PTGER2: variants seen among roughly 807,000 people sequenced by gnomAD.
PTGER2 encodes prostaglandin E2 receptor EP2 subtype.
Under a neutral mutation model 26.2 loss-of-function variants are expected in PTGER2, and 22 were observed. The ratio of observed to expected loss-of-function variants is 0.84; its 90% CI spans 0.60 to 1.20. The LOEUF (loss-of-function observed/expected upper bound fraction) is 1.20. PTGER2 is among the 50% of genes most tolerant of loss of function. The pLI is 0.00. For synonymous variants in PTGER2, 219 were observed against 208.9 expected (o/e 1.05, Z -0.42); for missense variants, 458 against 475.2 (o/e 0.96, Z 0.34).
At chr14:52,323,389 A>T (rs2033917771) in intron 1 of PTGER2, among the ~76,000 whole-genome samples, 1 of 152,140 alleles carries the variant, frequency 6.6e-6, no homozygotes, top group Non-Finnish European at 1.5e-5. Context: ...AGTAGCTGGG[A>T]TTACAGGTGC....
chr14:52,316,200 C>T (rs1182351169), intron 1 of PTGER2, among the ~76,000 whole-genome samples: 2 of 152,168 alleles, frequency 1.3e-5, no homozygotes, highest in Non-Finnish European at 2.9e-5. Flanking sequence ...AAGCCACAGG[C>T]AGGAATGGCT....
chr14:52,324,712 A>G (rs1053687930), intron 1 of PTGER2, among the ~76,000 whole-genome samples: 1 of 152,256 alleles, frequency 6.6e-6, no homozygotes, highest in Non-Finnish European at 1.5e-5. Context: ...TTAAAATCCC[A>G]GTATCCATAA....
At chr14:52,316,442 G>A (rs1317382363) in intron 1 of PTGER2, among the ~76,000 whole-genome samples, 1 of 152,200 alleles carries the variant, frequency 6.6e-6, no homozygotes, top group African/African-American at 2.4e-5. Context: ...GGAATTGGGA[G>A]TTGTGGCAAC....
chr14:52,314,402 T>C lies in PTGER2; in HGVS notation c.-147T>C. ...GCGGGAGACCCAGGGCAAGCCGCCG[T>C]CGGCGCGCTGGGTGCGGGAAGGGGG... On this transcript the variant is annotated 5_prime_UTR_variant, in exon 1 of 2. Coordinates refer to ENST00000245457, the MANE Select transcript of PTGER2 (RefSeq NM_000956.4). This position sits in a 1 kb window ranked among gnomAD's most constrained non-coding sequence, Gnocchi z 5.7. 2.0e-6 allele frequency: 2 copies of C among 1,009,574 alleles called. No homozygotes were observed. Among genetic ancestry groups the C allele is most frequent in the Non-Finnish European group, 2.6e-6 (2 of 777,978 alleles). 62.5% of individuals were successfully genotyped at this position (1,009,574 alleles called of 1,614,324 possible). A position where few individuals can be genotyped will look rare whatever the true frequency, so the allele number is the denominator to read the frequency against.
chr14:52,322,099 G>A (rs1845748), intron 1 of PTGER2, among the ~76,000 whole-genome samples: 10,723 of 152,106 alleles, frequency 0.07, 480 homozygotes, highest in African/African-American at 0.12. Flanking sequence ...TCTGGGTATC[G>A]GGGGAACTCA....
chr14:52,321,081 T>C (rs2033889841), intron 1 of PTGER2, among the ~76,000 whole-genome samples: 1 of 152,206 alleles, frequency 6.6e-6, no homozygotes, highest in African/African-American at 2.4e-5. Context: ...TTTGCTCTTT[T>C]TTTGTTTCCA....
chr14:52,314,360 C>A lies in PTGER2; in HGVS notation c.-189C>A. The A allele has an allele frequency of 1.7e-6, 1 of 592,798 alleles. No individual in the cohort carries two copies. Among genetic ancestry groups the A allele is most frequent in the Non-Finnish European group, 2.5e-6 (1 of 407,558 alleles). 36.7% of individuals were successfully genotyped at this position (592,798 alleles called of 1,614,324 possible). ...GCGCCGCTCGGATGCAGCAGCCGAG[C>A]CGCCACTCGGCGCGCGGCGGGAGAC... On this transcript the variant is annotated 5_prime_UTR_variant, in exon 1 of 2. Transcript: ENST00000245457. The surrounding 1 kb of genome is among the most constrained non-coding windows in gnomAD (Gnocchi z 5.7).
chr14:52,317,527 T>C (rs2033853368), intron 1 of PTGER2, among the ~76,000 whole-genome samples: 1 of 152,260 alleles, frequency 6.6e-6, no homozygotes. Context: ...GGCCAAGGGC[T>C]GCTCCAGAGT....
intron 1 of PTGER2, among the ~76,000 whole-genome samples, chr14:52,321,712 T>C (rs2033897502): frequency 6.6e-6 from 1 of 152,190 alleles, no homozygotes; most frequent in South Asian, 2.1e-4. Context: ...CCTTCTAACA[T>C]AGGAATAATA....
intron 1 of PTGER2, among the ~76,000 whole-genome samples, chr14:52,322,833 C>T (rs1254589): frequency 0.94 from 142,903 of 152,162 alleles, 67,513 homozygotes; most frequent in Non-Finnish European, 1. Flanking sequence ...AAGAAAAATA[C>T]GGCTCTATTT....
At chr14:52,321,465 TA>T (rs1305321361) in intron 1 of PTGER2, among the ~76,000 whole-genome samples, 1 of 152,202 alleles carries the variant, frequency 6.6e-6, no homozygotes, top group Admixed American at 6.5e-5. Flanking sequence ...ATGATATCCA[TA>T]AACTTTTGAA....
rs2033809205 is a variant in PTGER2, at chr14:52,314,393, A to T, written c.-156A>T. The stretch of plus-strand genomic sequence containing the variant: ...CGGCGCGCGGCGGGAGACCCAGGGC[A>T]AGCCGCCGTCGGCGCGCTGGGTGCG... On this transcript the variant is annotated 5_prime_UTR_variant, in exon 1 of 2. Coordinates refer to ENST00000245457, the MANE Select transcript of PTGER2 (RefSeq NM_000956.4). The surrounding 1 kb of genome is among the most constrained non-coding windows in gnomAD (Gnocchi z 5.7). The T allele has an allele frequency of 5.1e-5, 47 of 918,198 alleles. No homozygotes were observed. The East Asian group carries it at 1.6e-3, about 30-fold the overall frequency. The allele number at this position is 918,198 out of a possible 1,614,324, so 56.9% of individuals were successfully genotyped here.
intron 1 of PTGER2, among the ~76,000 whole-genome samples, chr14:52,325,062 G>T (rs940888050): frequency 5.3e-5 from 8 of 151,954 alleles, no homozygotes; most frequent in African/African-American, 1.9e-4. Context: ...TCACTTGAAC[G>T]CAGGAGGCAG....
At chr14:52,319,234 A>G (rs2033871160) in intron 1 of PTGER2, among the ~76,000 whole-genome samples, 2 of 152,228 alleles carry the variant, frequency 1.3e-5, no homozygotes, top group Admixed American at 6.5e-5. Context: ...TCTTCATGTC[A>G]GCTCAAGGGA....
intron 1 of PTGER2, among the ~76,000 whole-genome samples, chr14:52,324,471 T>C (rs1468661151): frequency 1.3e-5 from 2 of 152,206 alleles, no homozygotes; most frequent in Non-Finnish European, 2.9e-5. Flanking sequence ...GATAGGTTAG[T>C]CTGTATATCA....
In PTGER2 at chr14:52,327,948, A is replaced by G. The variant is rs1225551781; in HGVS notation, c.*494A>G. ...ACTTAGCGAACCCTTTATTTGAACA[A>G]TGAAGTTGAAAATCATAGGCACCTT... On this transcript the variant is annotated 3_prime_UTR_variant, in exon 2 of 2. Coordinates refer to ENST00000245457, the MANE Select transcript of PTGER2 (RefSeq NM_000956.4). The G allele has an allele frequency of 6.5e-6, 1 of 154,496 alleles. No individual in the cohort carries two copies. Among genetic ancestry groups the G allele is most frequent in the Non-Finnish European group, 1.4e-5 (1 of 69,358 alleles). 9.6% of individuals were successfully genotyped at this position (154,496 alleles called of 1,614,324 possible).
chr14:52,315,097 C>G lies in PTGER2; in HGVS notation c.549C>G (p.Pro183=). 1 of 1,611,140 alleles carries G rather than the reference C, an allele frequency of 6.2e-7. No homozygotes were observed. The highest frequency in any genetic ancestry group is 8.5e-7 in the Non-Finnish European group (1 of 1,179,922). ...LDYGQYVQYC[P]GTWCFIRHGR... Reference sequence around the variant, plus strand: ...ATGGGCAGTACGTCCAGTACTGCCCCGGGACCTGGTGCTTCATCCGGCACG... The same window carrying G: ...ATGGGCAGTACGTCCAGTACTGCCCGGGGACCTGGTGCTTCATCCGGCACG... The change falls in exon 1 of 2, where the codon CCC becomes CCG. Residue 183 remains proline (P), a synonymous_variant. Transcript: ENST00000245457.
chr14:52,324,862 G>A (rs1195985357), intron 1 of PTGER2, among the ~76,000 whole-genome samples: 1 of 152,174 alleles, frequency 6.6e-6, no homozygotes, highest in Admixed American at 6.5e-5. Flanking sequence ...GAACTGGCTG[G>A]GCGCAGTGGC....
chr14:52,315,312 C>T lies in PTGER2; in HGVS notation c.764C>T (p.Ser255Phe). Residue 255 changes from serine to phenylalanine, a missense_variant, in exon 1 of 2, where the codon TCC becomes TTC. Ser to Phe is a radical substitution (Grantham distance 155). Transcript: ENST00000245457. ...GCCCGCAGGAGAGGGGAAAGGGTGT[C>T]CATGGCGGAGGAGACGGACCACCTC... ...PGARRRGERV[S>F]MAEETDHLIL... The T allele has an allele frequency of 6.2e-7, 1 of 1,613,126 alleles. No homozygotes were observed. The highest frequency in any genetic ancestry group is 1.1e-5 in the South Asian group (1 of 91,018).
Sources: allele counts gnomAD v4.1 joint callset (sites outside exome capture counted in the v4.1 genomes callset), GRCh38; gene constraint gnomAD v4.1.1; non-coding constraint Gnocchi (gnomAD v3.1); transcripts MANE v1.5; gene names NCBI Gene and HGNC (gene_info 2026-07-23, HGNC 2026-07-21).